The following PRKN variants were observed in gnomAD, a reference collection of about 807,000 sequenced individuals.
PRKN encodes parkin RBR E3 ubiquitin protein ligase.
In PRKN, 56 loss-of-function variants were observed where a neutral mutation model predicts 59.5. The ratio of observed to expected loss-of-function variants is 0.94; its 90% CI spans 0.76 to 1.18. The LOEUF (loss-of-function observed/expected upper bound fraction) is 1.18. Ranked by LOEUF, PRKN falls within the 50% of genes most tolerant of loss-of-function variation. PRKN has a pLI of 0.00. For synonymous variants in PRKN, 250 were observed against 222.1 expected (o/e 1.13, Z -1.12); for missense variants, 657 against 596.4 (o/e 1.10, Z -1.06).
chr6:162,155,831 C>T (rs1254536029), intron 4 of PRKN, among the ~76,000 whole-genome samples: 5 of 147,950 alleles, frequency 3.4e-5, no homozygotes, highest in African/African-American at 1.2e-4. Flanking sequence ...AAGGGAAACA[C>T]AAATTTGGCT....
At chr6:162,678,638 T>C (rs998148967) in intron 1 of PRKN, among the ~76,000 whole-genome samples, 12 of 152,220 alleles carry the variant, frequency 7.9e-5, no homozygotes, top group Non-Finnish European at 1.5e-4. Flanking sequence ...TATGTTTTAT[T>C]GGGTTGTTTT....
chr6:162,417,953 G>T (rs897127370), intron 2 of PRKN, among the ~76,000 whole-genome samples: 1 of 152,134 alleles, frequency 6.6e-6, no homozygotes, highest in Non-Finnish European at 1.5e-5. Flanking sequence ...CAGCCTGAGG[G>T]TTCTGTAAAT....
At position 161,757,878 on chromosome 6, in the gene PRKN, T is replaced by TAG. The variant is rs1172982499; in HGVS notation, c.871+27893_871+27894insCT. Among the ~76,000 whole-genome samples, 11 of 94,696 alleles carry TAG rather than the reference T, an allele frequency of 1.2e-4. 1 individual carries two copies. Among genetic ancestry groups the TAG allele is most frequent in the Non-Finnish European group, 1.9e-4 (9 of 48,482 alleles). 62.1% of individuals were successfully genotyped at this position (94,696 alleles called of 152,430 possible). ...CTCTCTCTCTCTCTCTCTCTGTGTA[T>TAG]ATATATATACACACACACACACACA... On this transcript the variant is annotated intron_variant, in intron 7 of 11. Transcript: ENST00000366898.
At chr6:161,680,829 A>G (rs1785334183) in intron 7 of PRKN, among the ~76,000 whole-genome samples, 1 of 140,702 alleles carries the variant, frequency 7.1e-6, no homozygotes, top group Non-Finnish European at 1.5e-5. Context: ...TAAGCAGCTT[A>G]CTTGTGGAAA....
At chr6:162,400,457 CAAAAAAA>C (rs3081908) in intron 2 of PRKN, among the ~76,000 whole-genome samples, 1 of 98,662 alleles carries the variant, frequency 1.0e-5, no homozygotes, top group Non-Finnish European at 2.0e-5. Flanking sequence ...ATGTAAATAT[CAAAAAAA>C]AAAAAAAAAA....
At chr6:162,033,468 T>TA (rs1389854383) in intron 5 of PRKN, among the ~76,000 whole-genome samples, 3 of 152,234 alleles carry the variant, frequency 2.0e-5, no homozygotes, top group Non-Finnish European at 4.4e-5. Context: ...ATATGTGCCT[T>TA]AGTTATAACT....
rs1336307438 is a variant in PRKN at position 161,680,747 on chromosome 6, ATATATATATATATATATATATATATATAT to A, written c.871+104996_871+105024del. 9.8e-4 allele frequency among the ~76,000 whole-genome samples: 10 copies of A among 10,184 alleles called. 1 individual carries two copies. The highest frequency in any genetic ancestry group is 6.6e-3 in the East Asian group (1 of 152). 6.7% of individuals were successfully genotyped at this position (10,184 alleles called of 152,430 possible). The stretch of plus-strand genomic sequence containing the variant: ...AATACATATATATATATATATATAT[ATATATATATATATATATATATATATATAT>A]TTTTTTTTTTTTTTCTTTTCCTAAA... On this transcript the variant is annotated intron_variant, in intron 7 of 11. Coordinates refer to ENST00000366898, the MANE Select transcript of PRKN (RefSeq NM_004562.3).
intron 1 of PRKN, among the ~76,000 whole-genome samples, chr6:162,648,384 C>CTTTTTTTTTT (rs10644990): frequency 2.1e-5 from 3 of 144,486 alleles, no homozygotes; most frequent in African/African-American, 2.6e-5. Context: ...GGTGTTCTTT[C>CTTTTTTTTTT]TTTTTTTATT....
intron 3 of PRKN, among the ~76,000 whole-genome samples, chr6:162,231,715 T>C (rs192675063): frequency 4.0e-4 from 61 of 152,326 alleles, no homozygotes; most frequent in Non-Finnish European, 3.8e-4. Flanking sequence ...TGCTGAGGTT[T>C]TGGTATTGTG....
chr6:162,319,332 T>C (rs1008825566), intron 2 of PRKN, among the ~76,000 whole-genome samples: 2 of 151,938 alleles, frequency 1.3e-5, no homozygotes, highest in Non-Finnish European at 2.9e-5. Context: ...ACAAAGAAAG[T>C]TGAGAACTAC....
chr6:162,013,061 C>T (rs764999395), intron 5 of PRKN, among the ~76,000 whole-genome samples: 1 of 152,096 alleles, frequency 6.6e-6, no homozygotes, highest in Non-Finnish European at 1.5e-5. Context: ...ATAATCCCTG[C>T]TTGAATCAAT....
intron 1 of PRKN, among the ~76,000 whole-genome samples, chr6:162,498,394 T>G (rs1025199579): frequency 2.6e-5 from 1 of 39,022 alleles, no homozygotes; most frequent in Admixed American, 2.6e-4. Context: ...CTTTCTTTCC[T>G]TTTTTTTTTT....
At chr6:161,883,017 A>AC (rs1486324741) in intron 6 of PRKN, among the ~76,000 whole-genome samples, 1 of 120,982 alleles carries the variant, frequency 8.3e-6, no homozygotes, top group African/African-American at 4.0e-5. Context: ...AGAAAACAAA[A>AC]AACAACAACA....
In PRKN at chr6:161,397,323, T is replaced by C. The variant is rs1451610109; in HGVS notation, c.1084-10446A>G. Among the ~76,000 whole-genome samples, 2 of 152,220 alleles carry C rather than the reference T, an allele frequency of 1.3e-5. No individual in the cohort carries two copies. Among genetic ancestry groups the C allele is most frequent in the African/African-American group, 4.8e-5 (2 of 41,458 alleles). On this transcript the variant is annotated intron_variant, in intron 9 of 11. Coordinates refer to ENST00000366898, the MANE Select transcript of PRKN (RefSeq NM_004562.3). This position sits in a 1 kb window ranked among gnomAD's most constrained non-coding sequence, Gnocchi z 4.2. ...AGCTGAAGGACAATTGTGTACTCCA[T>C]GATACAATGCACAATCATGGGTTGA...
At chr6:162,534,252 G>A (rs188009721) in intron 1 of PRKN, among the ~76,000 whole-genome samples, 16 of 152,178 alleles carry the variant, frequency 1.1e-4, no homozygotes, top group Admixed American at 9.2e-4. Context: ...CAGTTGAACC[G>A]GGGTAGGCGT....
At chr6:162,423,647 C>A (rs1175881308) in intron 2 of PRKN, among the ~76,000 whole-genome samples, 1 of 152,128 alleles carries the variant, frequency 6.6e-6, no homozygotes, top group Admixed American at 6.5e-5. Flanking sequence ...TTCCTCTATT[C>A]TCTTACCACT....
intron 9 of PRKN, among the ~76,000 whole-genome samples, chr6:161,476,433 T>C (rs1044207999): frequency 6.6e-6 from 1 of 152,178 alleles, no homozygotes; most frequent in Non-Finnish European, 1.5e-5. Flanking sequence ...ACAACTGTAA[T>C]TGGGATACAT....
intron 9 of PRKN, among the ~76,000 whole-genome samples, chr6:161,531,190 G>A (rs988486698): frequency 6.6e-6 from 1 of 151,760 alleles, no homozygotes; most frequent in African/African-American, 2.4e-5. Context: ...GACCATCCTG[G>A]CTAACATGGT....
chr6:162,530,134 C>T (rs1010203193), intron 1 of PRKN, among the ~76,000 whole-genome samples: 1 of 102,640 alleles, frequency 9.7e-6, no homozygotes, highest in Admixed American at 9.8e-5. Flanking sequence ...AACTCAGTCT[C>T]AATAAAAAAA....
Sources: allele counts gnomAD v4.1 joint callset (sites outside exome capture counted in the v4.1 genomes callset), GRCh38; gene constraint gnomAD v4.1.1; non-coding constraint Gnocchi (gnomAD v3.1); transcripts MANE v1.5; gene names NCBI Gene and HGNC (gene_info 2026-07-23, HGNC 2026-07-21).